The following LPAR1 variants were observed in gnomAD, a reference collection of about 807,000 sequenced individuals.
The protein encoded by LPAR1 is LPA receptor 1.
LPAR1 carries 5 observed loss-of-function variants against 23.8 expected under a neutral mutation model. The ratio of observed to expected loss-of-function variants is 0.21; its 90% CI spans 0.11 to 0.44. The LOEUF (loss-of-function observed/expected upper bound fraction) is 0.44, where lower values mean the gene tolerates loss of function less well. Ranked by LOEUF, LPAR1 falls within the 20% of genes least tolerant of loss-of-function variation. LPAR1 has a pLI of 0.99. For missense variants in LPAR1, 311 were observed against 482.8 expected (o/e 0.64, Z 3.33); for synonymous variants, 160 against 164.7 (o/e 0.97, Z 0.22).
chr9:111,033,717 A>T (rs940352258), intron 2 of LPAR1, among the ~76,000 whole-genome samples: 5 of 152,056 alleles, frequency 3.3e-5, no homozygotes, highest in Admixed American at 3.3e-4. Flanking sequence ...ACACCTGGCT[A>T]ATTTTTTGTA....
At chr9:111,031,388 T>C (rs2097790724) in intron 2 of LPAR1, among the ~76,000 whole-genome samples, 1 of 131,332 alleles carries the variant, frequency 7.6e-6, no homozygotes, top group African/African-American at 3.1e-5. Context: ...GAGAGCCCAT[T>C]TCTTTAAAAA....
chr9:110,964,926 C>T (rs758396356), intron 4 of LPAR1, among the ~76,000 whole-genome samples: 12 of 126,340 alleles, frequency 9.5e-5, no homozygotes, highest in African/African-American at 3.4e-4. Context: ...TGCAGTAGTG[C>T]GATCTCGGCT....
chr9:110,923,425 T>G (rs2093778852), intron 5 of LPAR1, among the ~76,000 whole-genome samples: 1 of 152,194 alleles, frequency 6.6e-6, no homozygotes, highest in Non-Finnish European at 1.5e-5. Context: ...ATTTCAGTAT[T>G]CAATAAATCG....
chr9:110,912,314 C>T (rs1303499481), intron 5 of LPAR1, among the ~76,000 whole-genome samples: 1 of 152,084 alleles, frequency 6.6e-6, no homozygotes, highest in Non-Finnish European at 1.5e-5. Context: ...TGAACATTGC[C>T]AGGAATCTCC....
rs116331061 is a variant in LPAR1, at chr9:110,940,477, T to G, written c.793+944A>C. Reference sequence around the variant, plus strand: ...TGGGGAAAGAGGAGGTGATAAAATGTTTTTTTTCAATTTCCATAGGGAAAG... The same window carrying G: ...TGGGGAAAGAGGAGGTGATAAAATGGTTTTTTTCAATTTCCATAGGGAAAG... On this transcript the variant is annotated intron_variant, in intron 5 of 5. Transcript: ENST00000683809. 7.0e-3 allele frequency among the ~76,000 whole-genome samples: 1,058 copies of G among 152,120 alleles called. 9 individuals carry two copies. Among genetic ancestry groups the G allele is most frequent in the African/African-American group, 0.024 (993 of 41,496 alleles).
At chr9:110,960,118 G>A (rs765819356) in intron 4 of LPAR1, among the ~76,000 whole-genome samples, 2 of 152,132 alleles carry the variant, frequency 1.3e-5, no homozygotes, top group Admixed American at 6.5e-5. Context: ...TAACGAAAAT[G>A]TATGGTATAT....
intron 5 of LPAR1, among the ~76,000 whole-genome samples, chr9:110,936,852 C>G (rs562596323): frequency 5.9e-5 from 9 of 152,242 alleles, no homozygotes; most frequent in African/African-American, 2.2e-4. Context: ...GAAGTGTCAT[C>G]ACAAAGAATA....
intron 2 of LPAR1, among the ~76,000 whole-genome samples, chr9:110,989,135 T>C (rs1294796759): frequency 6.6e-6 from 1 of 152,096 alleles, no homozygotes; most frequent in African/African-American, 2.4e-5. Flanking sequence ...AGAGGATAAA[T>C]AGGGAGTGAT....
At position 110,953,882 on chromosome 9, in the gene LPAR1, G is replaced by A. The variant is rs185255764; in HGVS notation, c.46-11714C>T. On this transcript the variant is annotated intron_variant, in intron 4 of 5. Coordinates refer to ENST00000683809, the MANE Select transcript of LPAR1 (RefSeq NM_001351411.2). ...TCAGATGTGCAAATTATCAACATGC[G>A]AACAAAAGAAACACAAAAAAGCAAG... is the stretch of plus-strand genomic sequence containing the variant. Among the ~76,000 whole-genome samples the A allele has an allele frequency of 2.0e-3, 308 of 151,816 alleles. 1 individual carries two copies. Among genetic ancestry groups the A allele is most frequent in the African/African-American group, 7.1e-3 (292 of 41,402 alleles).
chr9:110,898,381 C>T (rs758855527), intron 5 of LPAR1, among the ~76,000 whole-genome samples: 19 of 152,060 alleles, frequency 1.2e-4, no homozygotes, highest in South Asian at 2.1e-4. Context: ...TGTAGATTAC[C>T]GTGTGCAAAG....
At chr9:110,996,317 G>A (rs1052763570) in intron 2 of LPAR1, among the ~76,000 whole-genome samples, 3 of 152,228 alleles carry the variant, frequency 2.0e-5, no homozygotes, top group Non-Finnish European at 2.9e-5. Flanking sequence ...AACACTCTCC[G>A]AGGCCAAGGC....
At position 110,946,629 on chromosome 9, in the gene LPAR1, G is replaced by C. The variant is rs75112201; in HGVS notation, c.46-4461C>G. On this transcript the variant is annotated intron_variant, in intron 4 of 5. Transcript: ENST00000683809. ...TCTACATTTCATCTACACTTCCTTCGTAGAGAAAGTGTATATAGTATTTAA... is the reference window on the plus strand; with the variant it reads ...TCTACATTTCATCTACACTTCCTTCCTAGAGAAAGTGTATATAGTATTTAA... Among the ~76,000 whole-genome samples the C allele has an allele frequency of 5.9e-5, 9 of 151,876 alleles. No individual in the cohort carries two copies. The East Asian group carries it at 1.7e-3, about 29-fold the overall frequency.
chr9:111,033,697 G>A (rs753201865), intron 2 of LPAR1, among the ~76,000 whole-genome samples: 40 of 152,052 alleles, frequency 2.6e-4, no homozygotes, highest in Non-Finnish European at 5.6e-4. Context: ...GATTACAGGC[G>A]CCCAGCATCA....
At chr9:111,008,817 T>C (rs553152688) in intron 2 of LPAR1, among the ~76,000 whole-genome samples, 23 of 152,312 alleles carry the variant, frequency 1.5e-4, no homozygotes, top group Admixed American at 1.3e-3. Flanking sequence ...GATGTGGACA[T>C]GGGTTGAGAG....
At chr9:110,922,047 G>C (rs912925217) in intron 5 of LPAR1, among the ~76,000 whole-genome samples, 2 of 152,148 alleles carry the variant, frequency 1.3e-5, no homozygotes, top group Non-Finnish European at 2.9e-5. Flanking sequence ...CCTGAGCAGC[G>C]GAGAAAGTAA....
At chr9:110,877,119 G>A (rs2079320593) in intron 5 of LPAR1, among the ~76,000 whole-genome samples, 1 of 152,196 alleles carries the variant, frequency 6.6e-6, no homozygotes, top group Admixed American at 6.5e-5. Flanking sequence ...GGCTTGGACT[G>A]GGGTCATGGA....
intron 2 of LPAR1, among the ~76,000 whole-genome samples, chr9:111,016,349 C>A (rs931156358): frequency 6.6e-6 from 1 of 152,184 alleles, no homozygotes; most frequent in African/African-American, 2.4e-5. Context: ...GATACAGAAA[C>A]TACACTTGCA....
intron 2 of LPAR1, among the ~76,000 whole-genome samples, chr9:110,977,859 GGAAGGAAGGAAGGAAGGAA>G (rs2096590532): frequency 9.0e-6 from 1 of 111,552 alleles, no homozygotes; most frequent in Non-Finnish European, 1.9e-5. Context: ...AAGGAAGGAA[GGAAGGAAGGAAGGAAGGAA>G]GGAAGGAAGG....
chr9:110,978,041 A>G (rs1418952749), intron 2 of LPAR1, among the ~76,000 whole-genome samples: 1 of 152,206 alleles, frequency 6.6e-6, no homozygotes, highest in Non-Finnish European at 1.5e-5. Context: ...AGAAAAGGGG[A>G]AGATTCTAGA....
Sources: allele counts gnomAD v4.1 joint callset (sites outside exome capture counted in the v4.1 genomes callset), GRCh38; gene constraint gnomAD v4.1.1; transcripts MANE v1.5; gene names NCBI Gene and HGNC (gene_info 2026-07-23, HGNC 2026-07-21).